ENTREP2: variants seen among roughly 807,000 people sequenced by gnomAD.
The protein encoded by ENTREP2 is protein ENTREP2.
the ENTREP2 span, among the ~76,000 whole-genome samples, chr15:29,314,398 C>A: frequency 1.3e-5 from 2 of 152,204 alleles, no homozygotes; most frequent in Non-Finnish European, 2.9e-5. Flanking sequence ...GCCACCCCAA[C>A]CTTCAGCAAC....
the ENTREP2 span, among the ~76,000 whole-genome samples, chr15:29,562,483 T>C: frequency 1.3e-5 from 2 of 152,140 alleles, no homozygotes; most frequent in Admixed American, 6.5e-5. Flanking sequence ...AGAAAGACAA[T>C]GTGCACAAGC....
chr15:29,417,480 C>A, the ENTREP2 span, among the ~76,000 whole-genome samples: 80 of 152,214 alleles, frequency 5.3e-4, no homozygotes, highest in African/African-American at 1.8e-3. Flanking sequence ...ACATCACACA[C>A]CGGGGACTGC....
chr15:29,241,233 C>A, the ENTREP2 span, among the ~76,000 whole-genome samples: 1 of 152,190 alleles, frequency 6.6e-6, no homozygotes, highest in African/African-American at 2.4e-5. Context: ...CTAACCGCTT[C>A]TCAGCAGGGG....
At chr15:29,392,209 G>A in the ENTREP2 span, among the ~76,000 whole-genome samples, 7 of 151,754 alleles carry the variant, frequency 4.6e-5, no homozygotes, top group Non-Finnish European at 7.4e-5. Flanking sequence ...TGATCCACCC[G>A]CCTCGGCCTC....
At chr15:29,600,386 TC>T in the ENTREP2 span, among the ~76,000 whole-genome samples, 1 of 152,114 alleles carries the variant, frequency 6.6e-6, no homozygotes, top group Non-Finnish European at 1.5e-5. Flanking sequence ...CACTTTTCTT[TC>T]ACTGGGTCTA....
At chr15:29,333,837 G>C in the ENTREP2 span, among the ~76,000 whole-genome samples, 1 of 151,996 alleles carries the variant, frequency 6.6e-6, no homozygotes, top group Non-Finnish European at 1.5e-5. Context: ...GGGGAGGCCC[G>C]CGGTCCAATC....
chr15:29,373,813 A>G, the ENTREP2 span: 1 of 152,086 alleles, frequency 6.6e-6, no homozygotes. Flanking sequence ...ATGTTAATAC[A>G]GTCACACAAC....
At chr15:29,589,323 T>C in the ENTREP2 span, among the ~76,000 whole-genome samples, 1 of 152,238 alleles carries the variant, frequency 6.6e-6, no homozygotes, top group African/African-American at 2.4e-5. Flanking sequence ...TACCAGAGCA[T>C]GTTTGTTTAC....
chr15:29,364,140 C>T, the ENTREP2 span, among the ~76,000 whole-genome samples: 1 of 152,180 alleles, frequency 6.6e-6, no homozygotes, highest in East Asian at 1.9e-4. Context: ...GAATTAATTG[C>T]ACCTAAACGT....
At chr15:29,304,636 T>G in the ENTREP2 span, among the ~76,000 whole-genome samples, 13 of 152,088 alleles carry the variant, frequency 8.5e-5, no homozygotes, top group African/African-American at 2.9e-4. Flanking sequence ...GCAATGACAC[T>G]CTCTGCTTAA....
At chr15:29,406,820 C>T in the ENTREP2 span, among the ~76,000 whole-genome samples, 6 of 152,124 alleles carry the variant, frequency 3.9e-5, no homozygotes, top group African/African-American at 1.4e-4. Flanking sequence ...TGCACACACT[C>T]GCTCTCCCTC....
chr15:29,476,044 A>C, the ENTREP2 span, among the ~76,000 whole-genome samples: 1 of 152,356 alleles, frequency 6.6e-6, no homozygotes, highest in East Asian at 1.9e-4. Context: ...CCAACTTACA[A>C]AATGTCAAGA....
At chr15:29,258,725 A>G in the ENTREP2 span, among the ~76,000 whole-genome samples, 1 of 152,140 alleles carries the variant, frequency 6.6e-6, no homozygotes, top group Admixed American at 6.5e-5. Flanking sequence ...TACCCATTAA[A>G]CAATCATTCC....
the ENTREP2 span, among the ~76,000 whole-genome samples, chr15:29,229,360 T>C: frequency 6.6e-6 from 1 of 152,182 alleles, no homozygotes; most frequent in South Asian, 2.1e-4. Flanking sequence ...ACACAATCTT[T>C]CTATTTACAC....
At chr15:29,622,433 C>G in the ENTREP2 span, among the ~76,000 whole-genome samples, 2 of 152,082 alleles carry the variant, frequency 1.3e-5, no homozygotes, top group Non-Finnish European at 2.9e-5. Context: ...GTTTTGAACT[C>G]CTGACCTCAA....
chr15:29,247,371 A>C, the ENTREP2 span, among the ~76,000 whole-genome samples: 3 of 152,236 alleles, frequency 2.0e-5, no homozygotes, highest in African/African-American at 7.2e-5. Context: ...AAAGAAAATC[A>C]AAGTGCATCT....
chr15:29,406,418 G>GA, the ENTREP2 span, among the ~76,000 whole-genome samples: 14 of 152,100 alleles, frequency 9.2e-5, no homozygotes, highest in East Asian at 2.5e-3. Flanking sequence ...CATCATAGCA[G>GA]GTGCCTGTAA....
the ENTREP2 span, among the ~76,000 whole-genome samples, chr15:29,428,933 A>G: frequency 6.6e-6 from 1 of 152,230 alleles, no homozygotes; most frequent in Non-Finnish European, 1.5e-5. Context: ...TGCAGCATTG[A>G]GGATTTGCTG....
At chr15:29,427,794 C>A in the ENTREP2 span, among the ~76,000 whole-genome samples, 4 of 152,270 alleles carry the variant, frequency 2.6e-5, no homozygotes, top group East Asian at 7.7e-4. Flanking sequence ...TTAGGAAGGA[C>A]GTGGACATCA....
Sources: allele counts gnomAD v4.1 joint callset (sites outside exome capture counted in the v4.1 genomes callset), GRCh38; gene constraint gnomAD v4.1.1; transcripts MANE v1.5; gene names NCBI Gene and HGNC (gene_info 2026-07-23, HGNC 2026-07-21).